NAV3: variants seen among roughly 807,000 people sequenced by gnomAD.
NAV3 encodes the protein pore membrane and/or filament interacting like protein 1.
Under a neutral mutation model 244.7 loss-of-function variants are expected in NAV3, and 87 were observed. The ratio of observed to expected loss-of-function variants is 0.36; its 90% CI spans 0.30 to 0.42. The LOEUF (loss-of-function observed/expected upper bound fraction) is 0.42, where lower values mean the gene tolerates loss of function less well. Ranked by LOEUF, NAV3 falls within the 20% of genes least tolerant of loss-of-function variation. NAV3 has a pLI of 1.00. For synonymous variants in NAV3, 1,126 were observed against 1,042.2 expected (o/e 1.08, Z -1.55); for missense variants, 2,663 against 2,893.3 (o/e 0.92, Z 1.83).
intron 12 of NAV3, among the ~76,000 whole-genome samples, chr12:78,093,877 G>A (rs1954096115): frequency 6.6e-6 from 1 of 151,898 alleles, no homozygotes; most frequent in Non-Finnish European, 1.5e-5. Flanking sequence ...TGTCACCCAA[G>A]CTGGAATACT....
chr12:77,625,859 A>G (rs1871597342), intron 2 of NAV3, among the ~76,000 whole-genome samples: 2 of 152,358 alleles, frequency 1.3e-5, no homozygotes, highest in East Asian at 1.9e-4. Flanking sequence ...AAGTGCTTAT[A>G]TATCAACATA....
intron 2 of NAV3, among the ~76,000 whole-genome samples, chr12:77,667,870 T>G (rs985197869): frequency 6.6e-6 from 1 of 152,048 alleles, no homozygotes; most frequent in Non-Finnish European, 1.5e-5. Context: ...TAAACAGAAA[T>G]ACAACCAAGA....
intron 9 of NAV3, chr12:78,037,216 A>T (rs1031454568): frequency 4.3e-6 from 3 of 702,860 alleles, no homozygotes; most frequent in Non-Finnish European, 7.8e-6. Flanking sequence ...AGTGATGAAG[A>T]TAGTAGGTCT....
intron 36 of NAV3, among the ~76,000 whole-genome samples, chr12:78,198,918 C>A (rs75643448): frequency 0.026 from 2,552 of 98,560 alleles, 4 homozygotes; most frequent in African/African-American, 0.031. Flanking sequence ...TAAACAAAAA[C>A]AAAAAAAAAA....
intron 5 of NAV3, among the ~76,000 whole-genome samples, chr12:77,970,301 T>C (rs1319561584): frequency 1.3e-5 from 2 of 152,166 alleles, no homozygotes; most frequent in African/African-American, 4.8e-5. Flanking sequence ...TAATTAGAAA[T>C]GACTCAAACA....
intron 2 of NAV3, among the ~76,000 whole-genome samples, chr12:77,648,935 T>C (rs960608282): frequency 2.6e-5 from 4 of 152,116 alleles, no homozygotes; most frequent in Admixed American, 6.6e-5. Flanking sequence ...GAGTGAGTCA[T>C]TGGGAAATAG....
intron 1 of NAV3, among the ~76,000 whole-genome samples, chr12:77,871,027 A>G (rs1880870732): frequency 6.6e-6 from 1 of 152,226 alleles, no homozygotes; most frequent in Non-Finnish European, 1.5e-5. Context: ...GAAGAATGAA[A>G]TAAGCACATG....
chr12:77,841,837 G>C (rs573907264), intron 1 of NAV3, among the ~76,000 whole-genome samples: 3 of 152,168 alleles, frequency 2.0e-5, no homozygotes, highest in Non-Finnish European at 4.4e-5. Flanking sequence ...AGCCATCAGT[G>C]AAAGAGAGAA....
At chr12:77,629,437 A>G (rs1031746088) in intron 2 of NAV3, among the ~76,000 whole-genome samples, 2 of 152,216 alleles carry the variant, frequency 1.3e-5, no homozygotes, top group Admixed American at 1.3e-4. Flanking sequence ...CAATGCTGAG[A>G]TCATCCACAA....
chr12:77,576,576 A>C (rs777516865), intron 2 of NAV3, among the ~76,000 whole-genome samples: 23 of 152,066 alleles, frequency 1.5e-4, no homozygotes, highest in Non-Finnish European at 2.8e-4. Context: ...TATTTCATTT[A>C]GTGTGCTGAT....
chr12:77,796,497 C>A (rs1488316578), intron 2 of NAV3, among the ~76,000 whole-genome samples: 1 of 152,152 alleles, frequency 6.6e-6, no homozygotes, highest in Non-Finnish European at 1.5e-5. Flanking sequence ...GAAATGACAA[C>A]AAAGGATTCA....
At chr12:77,753,075 G>A (rs1196003223) in intron 2 of NAV3, among the ~76,000 whole-genome samples, 1 of 152,090 alleles carries the variant, frequency 6.6e-6, no homozygotes, top group Non-Finnish European at 1.5e-5. Context: ...GAATAATTTA[G>A]GTTTTGTAAG....
At chr12:77,777,880 A>G (rs911494840) in intron 2 of NAV3, among the ~76,000 whole-genome samples, 15 of 150,928 alleles carry the variant, frequency 9.9e-5, no homozygotes, top group African/African-American at 3.4e-4. Flanking sequence ...ATGTCAGCTC[A>G]CTGCAACCTC....
chr12:78,188,280 C>T lies in NAV3; in HGVS notation c.5823C>T (p.Ser1941=), dbSNP rs1460168282. ...DQKSQAYLIG[S]IGVSGKTKWD... The stretch of plus-strand genomic sequence containing the variant: ...AATCTCAGGCATATTTGATAGGATC[C>T]ATTGGTGTTAGTGGAAAAACCAAGT... Residue 1941 remains serine, a synonymous_variant, in exon 32 of 40, where the codon TCC becomes TCT. Transcript: ENST00000397909. 1.9e-6 allele frequency: 3 copies of T among 1,611,316 alleles called. No homozygotes were observed. Among genetic ancestry groups the T allele is most frequent in the Non-Finnish European group, 1.7e-6 (2 of 1,178,208 alleles).
chr12:77,672,472 C>A (rs756734283), intron 2 of NAV3, among the ~76,000 whole-genome samples: 43 of 152,014 alleles, frequency 2.8e-4, no homozygotes, highest in Non-Finnish European at 4.7e-4. Flanking sequence ...GCACAACTTG[C>A]AATTACAAGA....
At chr12:77,603,375 A>G (rs1272269877) in intron 2 of NAV3, among the ~76,000 whole-genome samples, 3 of 152,086 alleles carry the variant, frequency 2.0e-5, no homozygotes, top group Non-Finnish European at 4.4e-5. Context: ...TAGGAGCCAG[A>G]GGATCATAAC....
chr12:77,762,284 G>A (rs998650764), intron 2 of NAV3, among the ~76,000 whole-genome samples: 4 of 152,104 alleles, frequency 2.6e-5, no homozygotes, highest in African/African-American at 9.7e-5. Context: ...GTCGGTGGGT[G>A]GGGAGCTAGG....
chr12:77,910,138 A>T (rs1029285145), intron 1 of NAV3, among the ~76,000 whole-genome samples: 3 of 152,056 alleles, frequency 2.0e-5, no homozygotes, highest in Admixed American at 6.6e-5. Context: ...ATGAAGGGTT[A>T]TTTGAGACCG....
intron 3 of NAV3, among the ~76,000 whole-genome samples, chr12:77,946,817 G>T (rs1285029724): frequency 3.3e-5 from 5 of 152,160 alleles, no homozygotes; most frequent in African/African-American, 9.6e-5. Context: ...TGTTAGACAT[G>T]TAGGGTAAAA....
Sources: gnomAD v4.1 joint callset for allele counts (sites outside exome capture counted in the v4.1 genomes callset) on GRCh38, gnomAD v4.1.1 for gene constraint, MANE v1.5 for transcripts, NCBI Gene and HGNC (gene_info 2026-07-23, HGNC 2026-07-21) for gene names.